Variants in GALNT9 observed in about 807,000 individuals in gnomAD.
The protein encoded by GALNT9 is GalNAc transferase 9.
In GALNT9, 47 loss-of-function variants were observed where a neutral mutation model predicts 63.1. The ratio of observed to expected loss-of-function variants is 0.75; its 90% CI spans 0.59 to 0.95. The LOEUF is 0.95. Among genes scored for constraint, GALNT9 ranks in the 40% least tolerant of loss-of-function variants. GALNT9 has a pLI of 0.00. For missense variants in GALNT9, 829 were observed against 874.8 expected, an observed-to-expected ratio of 0.95 and a Z score of 0.66; for synonymous variants, 396 against 365.7, an observed-to-expected ratio of 1.08 and a Z score of -0.94.
chr12:132,222,517 CA>C (rs1416025328), intron 6 of GALNT9, among the ~76,000 whole-genome samples: 1 of 152,082 alleles, frequency 6.6e-6, no homozygotes, highest in African/African-American at 2.4e-5. Flanking sequence ...GTCACACACG[CA>C]GTTTCTGCCC....
chr12:132,310,786 G>A lies in GALNT9; in HGVS notation c.238+18180C>T, dbSNP rs567093360. ...CGCGCGCTGGGAAGGTGGGAGCCACGCTGTCCTCCCACGCAAAGAGGAACT... is the reference window on the plus strand; with the variant it reads ...CGCGCGCTGGGAAGGTGGGAGCCACACTGTCCTCCCACGCAAAGAGGAACT... On this transcript the variant is annotated intron_variant, in intron 1 of 10. Coordinates refer to ENST00000328957, the MANE Select transcript of GALNT9 (RefSeq NM_001122636.2). This position sits in a 1 kb window ranked among gnomAD's most constrained non-coding sequence, Gnocchi z 4.8. Among the ~76,000 whole-genome samples, 8 of 152,240 alleles carry A rather than the reference G, an allele frequency of 5.3e-5. No homozygotes were observed. Among genetic ancestry groups the A allele is most frequent in the Admixed American group, 1.3e-4 (2 of 15,286 alleles).
At position 132,254,705 on chromosome 12, in the gene GALNT9, A is replaced by G. The variant is rs528402261; in HGVS notation, c.959+2984T>C. 2.0e-5 allele frequency among the ~76,000 whole-genome samples: 3 copies of G among 152,340 alleles called. No individual in the cohort carries two copies. The South Asian group carries it at 6.2e-4, about 32-fold the overall frequency. ...AGAGGGCTAGTGTCACTTGTTGAACATGGTGAAATCAAAGCCTTCATCTTC... is the reference window on the plus strand; with the variant it reads ...AGAGGGCTAGTGTCACTTGTTGAACGTGGTGAAATCAAAGCCTTCATCTTC... On this transcript the variant is annotated intron_variant, in intron 5 of 10. Coordinates refer to ENST00000328957, the MANE Select transcript of GALNT9 (RefSeq NM_001122636.2).
At chr12:132,258,268 C>T (rs1253129413) in intron 4 of GALNT9, among the ~76,000 whole-genome samples, 1 of 152,242 alleles carries the variant, frequency 6.6e-6, no homozygotes, top group Non-Finnish European at 1.5e-5. Context: ...CCCTCCTCTC[C>T]TTTCCTGCTC....
intron 1 of GALNT9, among the ~76,000 whole-genome samples, chr12:132,304,887 G>A (rs1881516539): frequency 3.0e-5 from 1 of 32,874 alleles, no homozygotes; most frequent in Non-Finnish European, 5.2e-5. Flanking sequence ...ACCCTCACCG[G>A]GGCACACCCT....
At chr12:132,254,441 C>T (rs1243947777) in intron 5 of GALNT9, among the ~76,000 whole-genome samples, 2 of 152,156 alleles carry the variant, frequency 1.3e-5, no homozygotes, top group Admixed American at 1.3e-4. Flanking sequence ...TTTTTTCTCT[C>T]GCCTATTACT....
At chr12:132,321,194 TGTTGGTCCAGA>T (rs1868771661) in intron 1 of GALNT9, among the ~76,000 whole-genome samples, 1 of 151,456 alleles carries the variant, frequency 6.6e-6, no homozygotes, top group East Asian at 2.0e-4. Flanking sequence ...TCGAGGCCCC[TGTTGGTCCAGA>T]GTCGAGGCCC....
intron 6 of GALNT9, among the ~76,000 whole-genome samples, chr12:132,224,721 C>G (rs1369978973): frequency 3.5e-5 from 5 of 143,702 alleles, no homozygotes; most frequent in Non-Finnish European, 7.6e-5. Context: ...CAGACATACG[C>G]CCCATACACC....
intron 1 of GALNT9, among the ~76,000 whole-genome samples, chr12:132,297,446 G>A (rs1294687461): frequency 7.1e-6 from 1 of 140,362 alleles, no homozygotes; most frequent in African/African-American, 2.7e-5. Flanking sequence ...AGCCGCTCCC[G>A]AGATAACCAA....
intron 6 of GALNT9, among the ~76,000 whole-genome samples, chr12:132,210,933 C>G (rs773600901): frequency 1.3e-5 from 2 of 151,962 alleles, no homozygotes; most frequent in Non-Finnish European, 2.9e-5. Context: ...GCCGGCCTGA[C>G]TCACAACAGC....
intron 3 of GALNT9, among the ~76,000 whole-genome samples, chr12:132,262,126 G>A (rs531878624): frequency 3.9e-5 from 6 of 152,326 alleles, no homozygotes; most frequent in East Asian, 1.9e-4. Context: ...AGATGTATCC[G>A]GTTGAGTATC....
At chr12:132,219,478 C>T (rs1209796889) in intron 6 of GALNT9, among the ~76,000 whole-genome samples, 5 of 152,042 alleles carry the variant, frequency 3.3e-5, no homozygotes, top group African/African-American at 9.7e-5. Context: ...AGGTGCCGGG[C>T]GTGTGGCTCT....
At chr12:132,275,575 TC>T (rs1880051398) in intron 2 of GALNT9, 1 of 152,256 alleles carries the variant, frequency 6.6e-6, no homozygotes, top group Non-Finnish European at 1.5e-5. Context: ...CTTCCCTCCC[TC>T]CCTCCTTCTC....
chr12:132,291,044 C>T (rs1231008883), intron 1 of GALNT9, among the ~76,000 whole-genome samples: 1 of 82,354 alleles, frequency 1.2e-5, no homozygotes, highest in Non-Finnish European at 2.5e-5. Flanking sequence ...CCCACGTCCA[C>T]AGCGCCCACA....
At position 132,282,556 on chromosome 12, in the gene GALNT9, T is replaced by C. The variant is rs1880403821; in HGVS notation, c.419+3694A>G. The stretch of plus-strand genomic sequence containing the variant: ...TCAGACACTGGCCCCTTCTTGGGTT[T>C]CGTGAGGGACCCTGGAAGCTCCAAG... On this transcript the variant is annotated intron_variant, in intron 2 of 10. Transcript: ENST00000328957. This position sits in a 1 kb window ranked among gnomAD's most constrained non-coding sequence, Gnocchi z 4.5. Among the ~76,000 whole-genome samples the C allele has an allele frequency of 6.6e-6, 1 of 152,132 alleles. No individual in the cohort carries two copies. The highest frequency in any genetic ancestry group is 1.9e-4 in the East Asian group (1 of 5,182).
intron 6 of GALNT9, among the ~76,000 whole-genome samples, chr12:132,222,542 C>T (rs1877489940): frequency 6.6e-6 from 1 of 152,076 alleles, no homozygotes; most frequent in Non-Finnish European, 1.5e-5. Context: ...GGGCTAAGAG[C>T]TCCTCACATG....
At chr12:132,264,000 C>T (rs140468228) in intron 2 of GALNT9, among the ~76,000 whole-genome samples, 241 of 152,272 alleles carry the variant, frequency 1.6e-3, no homozygotes, top group African/African-American at 5.7e-3. Context: ...TGACCGTTCC[C>T]GGGGGCCTCC....
chr12:132,221,351 A>C (rs549588451), intron 6 of GALNT9, among the ~76,000 whole-genome samples: 9 of 1,232 alleles, frequency 7.3e-3, no homozygotes, highest in African/African-American at 0.015. Flanking sequence ...GATTGTGTCC[A>C]AAAAAAAAAA....
chr12:132,286,557 C>G lies in GALNT9; in HGVS notation c.239-127G>C. The G allele has an allele frequency of 7.2e-7, 1 of 1,380,534 alleles. No individual in the cohort carries two copies. 85.5% of individuals were successfully genotyped at this position (1,380,534 alleles called of 1,614,324 possible). A position where few individuals can be genotyped will look rare whatever the true frequency, so the allele number is the denominator to read the frequency against. ...CGGTACAAGCCCAGCAAACTCCCTG[C>G]AGATGGCAGGCTGCCAGCTCAGGAC... On this transcript the variant is annotated intron_variant, in intron 1 of 10. Coordinates refer to ENST00000328957, the MANE Select transcript of GALNT9 (RefSeq NM_001122636.2). This position sits in a 1 kb window ranked among gnomAD's most constrained non-coding sequence, Gnocchi z 7.4.
chr12:132,228,912 C>T (rs997006153), intron 6 of GALNT9, among the ~76,000 whole-genome samples: 2 of 152,288 alleles, frequency 1.3e-5, no homozygotes, highest in South Asian at 4.1e-4. Flanking sequence ...TTTCTACCGT[C>T]GCAGAAATGT....
Sources: allele counts gnomAD v4.1 joint callset (sites outside exome capture counted in the v4.1 genomes callset), GRCh38; gene constraint gnomAD v4.1.1; non-coding constraint Gnocchi (gnomAD v3.1); transcripts MANE v1.5; gene names NCBI Gene and HGNC (gene_info 2026-07-23, HGNC 2026-07-21).